Variants in NALF1 observed in about 807,000 individuals in gnomAD.
NALF1 encodes the protein family with sequence similarity 155 member A.
A neutral mutation model predicts 48.4 loss-of-function variants in NALF1; 3 were observed. The observed-to-expected ratio is 0.06, with a 90% CI of 0.03 to 0.16. NALF1 has a LOEUF of 0.16. Ranked by LOEUF, NALF1 falls within the 10% of genes least tolerant of loss-of-function variation. NALF1 has a pLI of 1.00. For synonymous variants in NALF1, 262 were observed against 245.7 expected (o/e 1.07, Z -0.62); for missense variants, 526 against 571.5 (o/e 0.92, Z 0.81).
intron 1 of NALF1, among the ~76,000 whole-genome samples, chr13:107,607,483 G>C (rs907900618): frequency 1.7e-4 from 26 of 152,292 alleles, no homozygotes; most frequent in African/African-American, 5.5e-4. Context: ...TTCGAAACTA[G>C]TAGTAAATTA....
At chr13:107,470,678 A>G (rs2139052163) in intron 1 of NALF1, among the ~76,000 whole-genome samples, 1 of 152,350 alleles carries the variant, frequency 6.6e-6, no homozygotes, top group African/African-American at 2.4e-5. Flanking sequence ...GCTTAAATGA[A>G]TTGTTTTACA....
At chr13:107,271,782 A>G in intron 1 of NALF1, among the ~76,000 whole-genome samples, 1 of 51,864 alleles carries the variant, frequency 1.9e-5, no homozygotes, top group Non-Finnish European at 4.5e-5. Flanking sequence ...GACTATATAT[A>G]TATATATATA....
chr13:107,738,121 T>G (rs1195290174), intron 1 of NALF1, among the ~76,000 whole-genome samples: 1 of 152,210 alleles, frequency 6.6e-6, no homozygotes, highest in Non-Finnish European at 1.5e-5. Context: ...TGGTCACTTA[T>G]CATCCGTCTC....
chr13:107,759,998 C>G (rs1877221201), intron 1 of NALF1, among the ~76,000 whole-genome samples: 1 of 152,050 alleles, frequency 6.6e-6, no homozygotes, highest in South Asian at 2.1e-4. Context: ...TAGTAATAAT[C>G]TGTAATTCTA....
chr13:107,231,058 C>CAAAAAAAAAAAAAAAAAAAAAGAAAAA (rs1880212602), intron 1 of NALF1, among the ~76,000 whole-genome samples: 1 of 83,588 alleles, frequency 1.2e-5, no homozygotes, highest in Non-Finnish European at 2.3e-5. Flanking sequence ...AAGACCCGGC[C>CAAAAAAAAAAAAAAAAAAAAAGAAAAA]AAAAAAAAAA....
intron 1 of NALF1, among the ~76,000 whole-genome samples, chr13:107,516,309 A>G (rs1876049415): frequency 6.6e-6 from 1 of 152,194 alleles, no homozygotes; most frequent in South Asian, 2.1e-4. Flanking sequence ...CTAACTCATC[A>G]GTGTGGCAGA....
chr13:107,242,320 G>A (rs1880487725), intron 1 of NALF1, among the ~76,000 whole-genome samples: 1 of 152,202 alleles, frequency 6.6e-6, no homozygotes, highest in African/African-American at 2.4e-5. Context: ...GGTGGGAGGA[G>A]GAGGCCTCAT....
chr13:107,550,238 T>A (rs1877254319), intron 1 of NALF1, among the ~76,000 whole-genome samples: 1 of 152,112 alleles, frequency 6.6e-6, no homozygotes, highest in Non-Finnish European at 1.5e-5. Context: ...TCCAGTTCAT[T>A]TAAATTCAGC....
intron 1 of NALF1, among the ~76,000 whole-genome samples, chr13:107,445,778 G>A (rs1884639050): frequency 6.6e-6 from 1 of 152,142 alleles, no homozygotes; most frequent in Admixed American, 6.5e-5. Flanking sequence ...TATCATCGTA[G>A]TGTTATCTGT....
intron 1 of NALF1, among the ~76,000 whole-genome samples, chr13:107,264,284 T>C (rs1444946987): frequency 6.6e-6 from 1 of 152,222 alleles, no homozygotes; most frequent in Admixed American, 6.5e-5. Context: ...TTTATAATCA[T>C]TGGTTTATAT....
At chr13:107,760,082 A>G (rs560696615) in intron 1 of NALF1, among the ~76,000 whole-genome samples, 1 of 152,336 alleles carries the variant, frequency 6.6e-6, no homozygotes, top group Admixed American at 6.5e-5. Flanking sequence ...AGTGAATGCA[A>G]TCAACATAAA....
chr13:107,366,540 T>C (rs1052100820), intron 1 of NALF1, among the ~76,000 whole-genome samples: 9 of 152,162 alleles, frequency 5.9e-5, no homozygotes, highest in African/African-American at 2.2e-4. Context: ...ATGATAGCCA[T>C]CATTTTCCAT....
At chr13:107,249,252 G>C (rs1367793692) in intron 1 of NALF1, among the ~76,000 whole-genome samples, 1 of 152,060 alleles carries the variant, frequency 6.6e-6, no homozygotes, top group Admixed American at 6.6e-5. Context: ...TTTGCATTCA[G>C]TCACAGTTTT....
At chr13:107,437,984 A>G (rs1162507399) in intron 1 of NALF1, among the ~76,000 whole-genome samples, 1 of 152,234 alleles carries the variant, frequency 6.6e-6, no homozygotes, top group African/African-American at 2.4e-5. Flanking sequence ...GTATGTATAT[A>G]AAACAAATAT....
chr13:107,670,465 A>G (rs1011527587), intron 1 of NALF1, among the ~76,000 whole-genome samples: 1 of 152,142 alleles, frequency 6.6e-6, no homozygotes, highest in South Asian at 2.1e-4. Context: ...CAGTGATAAG[A>G]CTATCTTTTC....
intron 1 of NALF1, among the ~76,000 whole-genome samples, chr13:107,229,624 A>C (rs1880178302): frequency 6.6e-6 from 1 of 152,180 alleles, no homozygotes; most frequent in Admixed American, 6.5e-5. Context: ...GTTTATCGAG[A>C]GAAAGCAGCA....
chr13:107,462,530 G>A (rs1047308609), intron 1 of NALF1, among the ~76,000 whole-genome samples: 1 of 151,052 alleles, frequency 6.6e-6, no homozygotes, highest in Non-Finnish European at 1.5e-5. Context: ...CATGGCAGGT[G>A]GTGAAGGGTC....
Position 107,606,235 on chromosome 13 carries a change from C to T in NALF1, c.915+259447G>A, listed in dbSNP as rs546479723. On this transcript the variant is annotated intron_variant, in intron 1 of 2. Coordinates refer to ENST00000375915, the MANE Select transcript of NALF1 (RefSeq NM_001080396.3). ...CTGCTACTCCCTAAGGAAACATGCT[C>T]AATCTTACCAATGTTGTGTTCCTTA... 1.6e-3 allele frequency among the ~76,000 whole-genome samples: 241 copies of T among 151,340 alleles called. 1 individual carries two copies. The highest frequency in any genetic ancestry group is 5.5e-3 in the African/African-American group (228 of 41,412).
intron 1 of NALF1, among the ~76,000 whole-genome samples, chr13:107,802,539 C>A (rs1245466327): frequency 6.6e-6 from 1 of 152,074 alleles, no homozygotes; most frequent in Non-Finnish European, 1.5e-5. Flanking sequence ...TTTTCTGTAA[C>A]CCTTTTTAAA....
Sources: gnomAD v4.1 joint callset for allele counts (sites outside exome capture counted in the v4.1 genomes callset) on GRCh38, gnomAD v4.1.1 for gene constraint, MANE v1.5 for transcripts, NCBI Gene and HGNC (gene_info 2026-07-23, HGNC 2026-07-21) for gene names.